Variants in ATAD1 observed in about 807,000 individuals in gnomAD.
The protein encoded by ATAD1 is ATPase family AAA domain containing 1.
ATAD1 carries 18 observed loss-of-function variants against 42.7 expected under a neutral mutation model. The ratio of observed to expected loss-of-function variants is 0.42; its 90% CI spans 0.29 to 0.63. ATAD1 has a LOEUF of 0.63. Among genes scored for constraint, ATAD1 ranks in the 20% least tolerant of loss-of-function variants. ATAD1 has a pLI of 0.19. For synonymous variants in ATAD1, 132 were observed against 143.1 expected (o/e 0.92, Z 0.55); for missense variants, 294 against 440.4 (o/e 0.67, Z 2.98).
In ATAD1 at chr10:87,754,555, G is replaced by A; in HGVS notation, c.*132C>T. ...GTAACAACTATATCTCAATAACTTA[G>A]AATTCAGAGTATAAAACCATAAACA... On this transcript the variant is annotated 3_prime_UTR_variant, in exon 10 of 10. Transcript: ENST00000680024. 1 of 1,076,430 alleles carries A rather than the reference G, an allele frequency of 9.3e-7. No individual in the cohort carries two copies. The highest frequency in any genetic ancestry group is 2.8e-5 in the Admixed American group (1 of 35,976). The allele number at this position is 1,076,430 out of a possible 1,614,324, so 66.7% of individuals were successfully genotyped here.
intron 2 of ATAD1, 82 bp downstream of exon 2, chr10:87,814,356 G>T: frequency 2.3e-6 from 3 of 1,325,462 alleles, no homozygotes; most frequent in Non-Finnish European, 3.0e-6. Context: ...TCATTAATTT[G>T]TGAACTCTAC....
At position 87,796,806 on chromosome 10, in the gene ATAD1, ACT is replaced by A. The variant is rs1367297997; in HGVS notation, c.163-4053_163-4052del. Among the ~76,000 whole-genome samples the A allele has an allele frequency of 7.6e-4, 116 of 152,350 alleles. 4 individuals are homozygous for A. In the South Asian group the frequency reaches 0.024, roughly 31 times the overall value. On this transcript the variant is annotated intron_variant, in intron 2 of 9. Transcript: ENST00000680024. The stretch of plus-strand genomic sequence containing the variant: ...TAACTTTATGGCTCAAACCGATAGT[ACT>A]ATTTGCTGATGTCTGTGAGTATCCC...
chr10:87,816,636 A>C (rs1022726906), intron 1 of ATAD1, among the ~76,000 whole-genome samples: 2 of 152,174 alleles, frequency 1.3e-5, no homozygotes, highest in Non-Finnish European at 2.9e-5. Flanking sequence ...CATGGAACAA[A>C]CCAAAGTGTG....
intron 2 of ATAD1, among the ~76,000 whole-genome samples, chr10:87,806,818 C>T (rs896292887): frequency 3.3e-5 from 5 of 152,146 alleles, no homozygotes; most frequent in African/African-American, 1.2e-4. Flanking sequence ...TCACAAAGGT[C>T]TCCCTCCTCT....
At chr10:87,794,517 G>T (rs534876869) in intron 2 of ATAD1, among the ~76,000 whole-genome samples, 94 of 152,200 alleles carry the variant, frequency 6.2e-4, no homozygotes, top group Non-Finnish European at 9.7e-4. Flanking sequence ...TTTCCCAGGG[G>T]ACATTTGGCA....
At chr10:87,825,134 G>A (rs2132100505) in intron 1 of ATAD1, among the ~76,000 whole-genome samples, 1 of 152,094 alleles carries the variant, frequency 6.6e-6, no homozygotes, top group East Asian at 1.9e-4. Flanking sequence ...TAAGTTAGAG[G>A]TTTGCCCTAT....
rs906394756 is a variant in ATAD1, at chr10:87,835,907, G to A, written c.-14+5280C>T. ...ATCAATATTTTATAACTTCAAGGGG[G>A]ATATAGAAATGTTATAATCATTTAG... On this transcript the variant is annotated intron_variant, in intron 1 of 4. Coordinates refer to the ATAD1 transcript ENST00000495903. Among the ~76,000 whole-genome samples, 7 of 152,006 alleles carry A rather than the reference G, an allele frequency of 4.6e-5. No individual in the cohort carries two copies. The East Asian group carries it at 7.7e-4, about 17-fold the overall frequency.
chr10:87,828,154 G>T (rs1857762959), intron 1 of ATAD1, among the ~76,000 whole-genome samples: 1 of 151,802 alleles, frequency 6.6e-6, no homozygotes, highest in African/African-American at 2.4e-5. Flanking sequence ...TGCAGAGATG[G>T]GGTCTCATTT....
chr10:87,782,310 A>G (rs1412564620), intron 5 of ATAD1, among the ~76,000 whole-genome samples: 1 of 152,178 alleles, frequency 6.6e-6, no homozygotes, highest in Non-Finnish European at 1.5e-5. Flanking sequence ...GGAAGAATCT[A>G]CTCTTTGTAC....
intron 2 of ATAD1, among the ~76,000 whole-genome samples, chr10:87,796,241 A>T (rs910252377): frequency 7.9e-5 from 12 of 152,188 alleles, no homozygotes; most frequent in African/African-American, 2.7e-4. Flanking sequence ...GTACTGTAAA[A>T]GGAAAATAAA....
chr10:87,824,243 A>G (rs1857684772), intron 1 of ATAD1, among the ~76,000 whole-genome samples: 1 of 148,742 alleles, frequency 6.7e-6, no homozygotes, highest in Non-Finnish European at 1.5e-5. Flanking sequence ...GGAAGGGGGG[A>G]GGAAAGACAA....
chr10:87,812,670 T>G (rs926373829), intron 2 of ATAD1, among the ~76,000 whole-genome samples: 1 of 152,194 alleles, frequency 6.6e-6, no homozygotes, highest in African/African-American at 2.4e-5. Flanking sequence ...CCTGAGTGTT[T>G]TAAACACTGG....
chr10:87,755,479 G>T (rs1854176941), intron 9 of ATAD1, among the ~76,000 whole-genome samples: 1 of 152,046 alleles, frequency 6.6e-6, no homozygotes, highest in Admixed American at 6.6e-5. Context: ...TATAAAACTA[G>T]CCAGACTTTT....
intron 8 of ATAD1, among the ~76,000 whole-genome samples, chr10:87,764,703 G>A (rs1459280862): frequency 6.6e-6 from 1 of 152,042 alleles, no homozygotes; most frequent in African/African-American, 2.4e-5. Context: ...ACCTCATCCA[G>A]TCTCTTGATC....
chr10:87,793,993 GT>G (rs574333939), intron 2 of ATAD1, among the ~76,000 whole-genome samples: 266 of 152,120 alleles, frequency 1.7e-3, no homozygotes, highest in African/African-American at 6.2e-3. Flanking sequence ...GGAAGGCTGA[GT>G]TGGGAGGATT....
chr10:87,768,672 A>T (rs1289792045), intron 7 of ATAD1, among the ~76,000 whole-genome samples: 1 of 152,216 alleles, frequency 6.6e-6, no homozygotes, highest in Non-Finnish European at 1.5e-5. Flanking sequence ...TTTATAATAA[A>T]CTTGATAAAA....
intron 5 of ATAD1, among the ~76,000 whole-genome samples, chr10:87,780,342 T>C (rs1253243947): frequency 3.3e-5 from 5 of 152,166 alleles, no homozygotes; most frequent in African/African-American, 1.2e-4. Context: ...TACTATTGTG[T>C]ATGAGACTGT....
chr10:87,767,395 C>T (rs1234703505), intron 8 of ATAD1, among the ~76,000 whole-genome samples: 1 of 152,128 alleles, frequency 6.6e-6, no homozygotes, highest in African/African-American at 2.4e-5. Context: ...AAGAAGCGAG[C>T]AACCCCCCTC....
intron 2 of ATAD1, among the ~76,000 whole-genome samples, chr10:87,813,823 A>T (rs185930904): frequency 9.2e-5 from 14 of 151,766 alleles, no homozygotes; most frequent in African/African-American, 2.9e-4. Context: ...TTATTGTTTA[A>T]AAAAAAAGAG....
Sources: gnomAD v4.1 joint callset for allele counts (sites outside exome capture counted in the v4.1 genomes callset) on GRCh38, gnomAD v4.1.1 for gene constraint, MANE v1.5 for transcripts, NCBI Gene and HGNC (gene_info 2026-07-23, HGNC 2026-07-21) for gene names.